The following CDH2 variants were observed in gnomAD, a reference collection of about 807,000 sequenced individuals.
CDH2 encodes the protein cadherin-2.
A neutral mutation model predicts 92.0 loss-of-function variants in CDH2; 17 were observed. That is an observed-to-expected ratio of 0.18 (90% confidence interval 0.13 to 0.28). CDH2 has a LOEUF of 0.28. CDH2 is among the 10% of genes least tolerant of loss of function. The pLI is 1.00. For synonymous variants in CDH2, 419 were observed against 415.9 expected, an observed-to-expected ratio of 1.01 and a Z score of -0.09; for missense variants, 862 against 1,133.1, an observed-to-expected ratio of 0.76 and a Z score of 3.44.
At chr18:27,974,769 T>C (rs915205417) in intron 14 of CDH2, among the ~76,000 whole-genome samples, 5 of 152,164 alleles carry the variant, frequency 3.3e-5, no homozygotes, top group African/African-American at 1.2e-4. Context: ...GCTCCTTTCA[T>C]TGTATGAGGA....
intron 2 of CDH2, among the ~76,000 whole-genome samples, chr18:28,119,642 T>A (rs2015554003): frequency 6.6e-6 from 1 of 152,110 alleles, no homozygotes; most frequent in Non-Finnish European, 1.5e-5. Flanking sequence ...ATATACCACC[T>A]CTATTGTGCC....
chr18:28,043,314 G>C (rs1253065170), intron 2 of CDH2, among the ~76,000 whole-genome samples: 2 of 151,416 alleles, frequency 1.3e-5, no homozygotes, highest in Non-Finnish European at 2.9e-5. Flanking sequence ...GGAAGGGTGG[G>C]AGGCGGGTGA....
At chr18:27,941,202 A>AT (rs1377638228) in intron 6 of CDH2, among the ~76,000 whole-genome samples, 1 of 151,628 alleles carries the variant, frequency 6.6e-6, no homozygotes, top group East Asian at 1.9e-4. Flanking sequence ...CGCCCAGCTA[A>AT]TTTTTTGTAT....
In CDH2 at chr18:27,951,320, G is replaced by A. The variant is rs201818808; in HGVS notation, c.*833C>T. On this transcript the variant is annotated 3_prime_UTR_variant, in exon 16 of 16. Coordinates refer to ENST00000269141, the MANE Select transcript of CDH2 (RefSeq NM_001792.5). ...CAATTGAATCAAATGTCACTGTTTT[G>A]TAAATACTTTATCCATAACGAAAGA... The A allele has an allele frequency of 6.6e-6, 1 of 152,318 alleles. No homozygotes were observed. The highest frequency in any genetic ancestry group is 2.4e-5 in the African/African-American group (1 of 41,374). The allele number at this position is 152,318 out of a possible 1,614,324, so 9.4% of individuals were successfully genotyped here. A position where few individuals can be genotyped will look rare whatever the true frequency, so the allele number is the denominator to read the frequency against.
At chr18:28,069,299 T>C (rs2014571840) in intron 2 of CDH2, among the ~76,000 whole-genome samples, 1 of 152,178 alleles carries the variant, frequency 6.6e-6, no homozygotes, top group South Asian at 2.1e-4. Flanking sequence ...GAGGCAACAA[T>C]CTAAAAAGGT....
At chr18:28,164,885 C>T (rs746480534) in intron 1 of CDH2, among the ~76,000 whole-genome samples, 4 of 152,164 alleles carry the variant, frequency 2.6e-5, no homozygotes, top group African/African-American at 4.8e-5. Context: ...TTATATCAGC[C>T]TAGATAACAT....
At chr18:27,981,232 C>T (rs1156722363) in intron 14 of CDH2, among the ~76,000 whole-genome samples, 4 of 151,700 alleles carry the variant, frequency 2.6e-5, no homozygotes, top group African/African-American at 4.8e-5. Flanking sequence ...CAAAATTACA[C>T]AAAAAATAAA....
chr18:28,016,434 CACAA>C, intron 2 of CDH2, among the ~76,000 whole-genome samples: 1 of 151,892 alleles, frequency 6.6e-6, no homozygotes, highest in East Asian at 1.9e-4. Context: ...CATCTAGCAA[CACAA>C]ACAAATGAAC....
intron 2 of CDH2, among the ~76,000 whole-genome samples, chr18:28,125,756 A>C (rs1220033): frequency 0.31 from 46,887 of 151,946 alleles, 7,826 homozygotes; most frequent in African/African-American, 0.42. Context: ...AGTCAGCATT[A>C]GTACCCTCAG....
intron 1 of CDH2, among the ~76,000 whole-genome samples, chr18:28,148,342 A>G (rs1235620553): frequency 2.0e-5 from 3 of 152,228 alleles, no homozygotes; most frequent in Non-Finnish European, 4.4e-5. Flanking sequence ...AATTTGAAGG[A>G]CAGTGATACA....
At chr18:28,008,235 T>C (rs796177560) in intron 5 of CDH2, among the ~76,000 whole-genome samples, 4 of 152,348 alleles carry the variant, frequency 2.6e-5, no homozygotes, top group African/African-American at 9.6e-5. Context: ...GCAGGTATAT[T>C]GTGTGCTATC....
At chr18:28,157,299 G>T (rs2016234967) in intron 1 of CDH2, among the ~76,000 whole-genome samples, 1 of 152,140 alleles carries the variant, frequency 6.6e-6, no homozygotes, top group South Asian at 2.1e-4. Context: ...TGTTTATAAT[G>T]AACTTGGAAA....
intron 15 of CDH2, among the ~76,000 whole-genome samples, chr18:27,953,742 G>A (rs544967103): frequency 2.0e-5 from 3 of 152,018 alleles, no homozygotes; most frequent in Admixed American, 1.3e-4. Context: ...TGGGACCTCC[G>A]CTTAACCTCA....
chr18:27,980,111 A>G (rs1339094772), intron 14 of CDH2, among the ~76,000 whole-genome samples: 3 of 152,196 alleles, frequency 2.0e-5, no homozygotes, highest in Non-Finnish European at 4.4e-5. Context: ...AGGAAGAGTG[A>G]GAGGAGGAAG....
At chr18:28,087,671 C>A (rs1567993375) in intron 2 of CDH2, among the ~76,000 whole-genome samples, 4 of 152,080 alleles carry the variant, frequency 2.6e-5, no homozygotes, top group African/African-American at 7.2e-5. Context: ...ATTAAAAATA[C>A]TGTGGCAATA....
chr18:28,111,872 A>G (rs2015419156), intron 2 of CDH2, among the ~76,000 whole-genome samples: 2 of 152,180 alleles, frequency 1.3e-5, no homozygotes, highest in Non-Finnish European at 2.9e-5. Flanking sequence ...ACAAGAAAAA[A>G]ATGTAAACAG....
At chr18:28,086,268 T>G (rs1025121650) in intron 2 of CDH2, among the ~76,000 whole-genome samples, 5 of 152,218 alleles carry the variant, frequency 3.3e-5, no homozygotes, top group Non-Finnish European at 5.9e-5. Context: ...TCCAGTGTTA[T>G]AACTACCCTA....
intron 2 of CDH2, among the ~76,000 whole-genome samples, chr18:28,119,607 T>C (rs2015553192): frequency 6.6e-6 from 1 of 152,148 alleles, no homozygotes; most frequent in Non-Finnish European, 1.5e-5. Context: ...AATGCAAATA[T>C]AGAAAATATA....
rs578252410 is a variant in CDH2 at position 28,118,612 on chromosome 18, T to TGTGTGC, written c.172+29060_172+29061insGCACAC. Among the ~76,000 whole-genome samples, 25 of 151,532 alleles carry TGTGTGC rather than the reference T, an allele frequency of 1.6e-4. 1 individual carries two copies. The highest frequency in any genetic ancestry group is 6.1e-4 in the African/African-American group (25 of 41,194). Reference sequence around the variant, plus strand: ...TTCAGTGTGTGTGTGTGTGTGTGTGTGCGCTGACTTTAGGTTGTGAGCAGT... The same window carrying TGTGTGC: ...TTCAGTGTGTGTGTGTGTGTGTGTGTGTGTGCGCGCTGACTTTAGGTTGTGAGCAGT... On this transcript the variant is annotated intron_variant, in intron 2 of 15. Coordinates refer to ENST00000269141, the MANE Select transcript of CDH2 (RefSeq NM_001792.5).
Sources: allele counts gnomAD v4.1 joint callset (sites outside exome capture counted in the v4.1 genomes callset), GRCh38; gene constraint gnomAD v4.1.1; transcripts MANE v1.5; gene names NCBI Gene and HGNC (gene_info 2026-07-23, HGNC 2026-07-21).